Variants in ZYX observed in about 807,000 individuals in gnomAD.
ZYX encodes zyxin-2.
A neutral mutation model predicts 58.1 loss-of-function variants in ZYX; 37 were observed. The observed-to-expected ratio is 0.64, with a 90% CI of 0.49 to 0.84. The LOEUF is 0.84. Among genes scored for constraint, ZYX ranks in the 40% least tolerant of loss-of-function variants. ZYX has a pLI of 0.00. For missense variants in ZYX, 762 were observed against 761.6 expected (o/e 1.00, Z -0.01); for synonymous variants, 324 against 321.1 (o/e 1.01, Z -0.10).
Position 143,390,078 on chromosome 7 carries a change from CAG to C in ZYX, c.1614+102_1614+103del, listed in dbSNP as rs1359865115. 27 of 1,529,902 alleles carry C rather than the reference CAG, an allele frequency of 1.8e-5. No homozygotes were observed. The highest frequency in any genetic ancestry group is 2.2e-5 in the Non-Finnish European group (25 of 1,124,858). The allele number at this position is 1,529,902 out of a possible 1,614,324, so 94.8% of individuals were successfully genotyped here. On this transcript the variant is annotated intron_variant, in intron 9 of 9. Transcript: ENST00000322764. The surrounding 1 kb of genome is among the most constrained non-coding windows in gnomAD (Gnocchi z 4.3). ...GTGGAAAGCACCAGCATTCAGGAAA[CAG>C]GGCTGTGATTTTGAGGGTGGCTCAT...
intron 5 of ZYX, among the ~76,000 whole-genome samples, chr7:143,385,452 T>G (rs1298467109): frequency 4.6e-5 from 7 of 151,460 alleles, no homozygotes; most frequent in Admixed American, 3.3e-4. Context: ...GCGTGTGATG[T>G]GTGTAGTGTG....
intron 5 of ZYX, among the ~76,000 whole-genome samples, chr7:143,385,628 A>C (rs1804829781): frequency 7.6e-6 from 1 of 132,378 alleles, no homozygotes; most frequent in Non-Finnish European, 1.6e-5. Context: ...TATATATGTG[A>C]GTGGTGTGTG....
rs1406196554 is a variant in ZYX at position 143,387,858 on chromosome 7, T to A, written c.1024-361T>A. The A allele has an allele frequency of 6.1e-6, 3 of 489,440 alleles. No homozygotes were observed. The Admixed American group carries it at 7.0e-5, about 11-fold the overall frequency. The allele number at this position is 489,440 out of a possible 1,614,324, so 30.3% of individuals were successfully genotyped here. A position where few individuals can be genotyped will look rare whatever the true frequency, so the allele number is the denominator to read the frequency against. On this transcript the variant is annotated intron_variant, in intron 5 of 9. Transcript: ENST00000322764. The surrounding 1 kb of genome is among the most constrained non-coding windows in gnomAD (Gnocchi z 5.8). Reference sequence around the variant, plus strand: ...CCATGGGGGCGATGTCCGAGCATGCTCTGTGGAGTTGATGCGTGGCCCTGG... The same window carrying A: ...CCATGGGGGCGATGTCCGAGCATGCACTGTGGAGTTGATGCGTGGCCCTGG...
At chr7:143,382,185 T>C in intron 2 of ZYX, 63 bp from the exon 3 acceptor site, 10 of 1,407,766 alleles carry the variant, frequency 7.1e-6, no homozygotes, top group Non-Finnish European at 9.9e-6. Context: ...AGCGGTTAAC[T>C]GAGGGGAGCT....
intron 5 of ZYX, among the ~76,000 whole-genome samples, chr7:143,385,109 C>T (rs1179761661): frequency 6.6e-6 from 1 of 152,090 alleles, no homozygotes; most frequent in Non-Finnish European, 1.5e-5. Context: ...GAGAAGAGAG[C>T]TGAGCTCCTC....
chr7:143,389,037 C>G lies in ZYX; in HGVS notation c.1493+92C>G. The G allele has an allele frequency of 7.0e-7, 1 of 1,437,392 alleles. No individual in the cohort carries two copies. Among genetic ancestry groups the G allele is most frequent in the African/African-American group, 1.4e-5 (1 of 70,710 alleles). The allele number at this position is 1,437,392 out of a possible 1,614,324, so 89.0% of individuals were successfully genotyped here. A position where few individuals can be genotyped will look rare whatever the true frequency, so the allele number is the denominator to read the frequency against. ...CCCTAGCCTCAGGACAGCCCCAAACCCCTGGTGGTGTTTTCTGGTCCCATG... is the reference window on the plus strand; with the variant it reads ...CCCTAGCCTCAGGACAGCCCCAAACGCCTGGTGGTGTTTTCTGGTCCCATG... On this transcript the variant is annotated intron_variant, in intron 8 of 9. Coordinates refer to ENST00000322764, the MANE Select transcript of ZYX (RefSeq NM_003461.5). This position sits in a 1 kb window ranked among gnomAD's most constrained non-coding sequence, Gnocchi z 5.6.
At position 143,388,740 on chromosome 7, in the gene ZYX, G is replaced by A. The variant is rs762721087; in HGVS notation, c.1315-27G>A. 2 of 1,610,348 alleles carry A rather than the reference G, an allele frequency of 1.2e-6. No homozygotes were observed. The highest frequency in any genetic ancestry group is 2.2e-5 in the East Asian group (1 of 44,804). On this transcript the variant is annotated intron_variant, in intron 7 of 9. Coordinates refer to ENST00000322764, the MANE Select transcript of ZYX (RefSeq NM_003461.5). The surrounding 1 kb of genome is among the most constrained non-coding windows in gnomAD (Gnocchi z 7.5). Reference sequence around the variant, plus strand: ...GCTTGCTGTGGGGTGCCGGTTCCCTGCCAACCTCCTCCTGCTGCCTCCTCA... The same window carrying A: ...GCTTGCTGTGGGGTGCCGGTTCCCTACCAACCTCCTCCTGCTGCCTCCTCA...
In ZYX at chr7:143,383,012, T is replaced by A; in HGVS notation, c.713T>A (p.Val238Asp). The A allele has an allele frequency of 1.2e-6, 2 of 1,613,918 alleles. No individual in the cohort carries two copies. Among genetic ancestry groups the A allele is most frequent in the Non-Finnish European group, 1.7e-6 (2 of 1,179,902 alleles). The change falls in exon 5 of 10, where the codon GTC becomes GAC. Residue 238 changes from valine to aspartate, a missense_variant. Physicochemically the swap from Val to Asp is radical, Grantham distance 152. Coordinates refer to ENST00000322764, the MANE Select transcript of ZYX (RefSeq NM_003461.5). Reference sequence around the variant, plus strand: ...CCCAAGCCTCAGGTCCAACTCCATGTCCAGTCCCAGACCCAGCCTGTGTCT... The same window carrying A: ...CCCAAGCCTCAGGTCCAACTCCATGACCAGTCCCAGACCCAGCCTGTGTCT... ...PQPKPQVQLH[V>D]QSQTQPVSLA...
At position 143,382,541 on chromosome 7, in the gene ZYX, G is replaced by C. The variant is rs1480192346; in HGVS notation, c.409-52G>C. The C allele has an allele frequency of 5.6e-6, 9 of 1,605,636 alleles. No homozygotes were observed. In the African/African-American group the frequency reaches 8.0e-5, roughly 14 times the overall value. On this transcript the variant is annotated intron_variant, in intron 3 of 9. Coordinates refer to ENST00000322764, the MANE Select transcript of ZYX (RefSeq NM_003461.5). ...TTACCTCCCCTGCACCTCTGCCTTG[G>C]GGGTGGGGGGATAGAGGCATGGAAT...
In ZYX at chr7:143,382,869, A is replaced by T. The variant is rs141742199; in HGVS notation, c.570A>T (p.Ala190=). ...GTTCCAAGTCCAGTACCAAGCCTGC[A>T]GCCGGGGGCACAGCACCCCTGCCTC... ...PFSSKSSTKP[A]AGGTAPLPPW... is the part of the protein sequence containing the mutation. Residue 190 remains alanine (A), a synonymous_variant, in exon 5 of 10, where the codon GCA becomes GCT. Transcript: ENST00000322764. 893 of 1,612,894 alleles carry T rather than the reference A, an allele frequency of 5.5e-4. 5 individuals carry two copies. The African/African-American group carries it at 9.9e-3, about 18-fold the overall frequency.
At position 143,382,666 on chromosome 7, in the gene ZYX, A is replaced by T. The variant is rs879229436; in HGVS notation, c.482A>T (p.Asn161Ile). The change falls in exon 4 of 10, where the codon AAT (asparagine) becomes ATT (isoleucine). Residue 161 changes from asparagine (N) to isoleucine (I), a missense_variant. Asn to Ile is a moderately radical substitution (Grantham distance 149). Transcript: ENST00000322764. Reference sequence around the variant, plus strand: ...TCACTGCTGGATGACATGACCAAGAATGATCCTTTCAAAGCCCGGGTAAGG... The same window carrying T: ...TCACTGCTGGATGACATGACCAAGATTGATCCTTTCAAAGCCCGGGTAAGG... ...LSSLLDDMTK[N>I]DPFKARVSSG... 2 of 1,614,104 alleles carry T rather than the reference A, an allele frequency of 1.2e-6. No individual in the cohort carries two copies. Among genetic ancestry groups the T allele is most frequent in the South Asian group, 2.2e-5 (2 of 91,084 alleles).
intron 5 of ZYX, among the ~76,000 whole-genome samples, chr7:143,385,656 A>ATTTTTTTTTTTTT (rs1261838329): frequency 1.1e-5 from 1 of 93,252 alleles, no homozygotes; most frequent in Non-Finnish European, 2.1e-5. Context: ...GTGGTGTGGT[A>ATTTTTTTTTTTTT]TATCTTTTTT....
In ZYX at chr7:143,382,203, G is replaced by A. The variant is rs1487554280; in HGVS notation, c.209-45G>A. The A allele has an allele frequency of 2.0e-6, 3 of 1,528,846 alleles. No homozygotes were observed. The African/African-American group carries it at 4.1e-5, about 21-fold the overall frequency. 94.7% of individuals were successfully genotyped at this position (1,528,846 alleles called of 1,614,324 possible). A position where few individuals can be genotyped will look rare whatever the true frequency, so the allele number is the denominator to read the frequency against. On this transcript the variant is annotated intron_variant, in intron 2 of 9. Transcript: ENST00000322764. ...GGTTAACTGAGGGGAGCTTGGGTGA[G>A]GGGTAGAGGGACCCCGGCCGACGTC...
At position 143,381,636 on chromosome 7, in the gene ZYX, C is replaced by T. The variant is rs535640827; in HGVS notation, c.65C>T (p.Pro22Leu). ...GTCTCGGCTCCGGCTTTTTACGCCC[C>T]GCAGAAGAAGTTCGGCCCTGTGGTG... ...VSVSAPAFYA[P>L]QKKFGPVVAP... is the part of the protein sequence containing the mutation. Residue 22 changes from proline (P) to leucine (L), a missense_variant, in exon 2 of 10, where the codon CCG (proline) becomes CTG (leucine). Coordinates refer to ENST00000322764, the MANE Select transcript of ZYX (RefSeq NM_003461.5). 2.5e-6 allele frequency: 4 copies of T among 1,612,380 alleles called. No individual in the cohort carries two copies. The East Asian group carries it at 8.9e-5, about 36-fold the overall frequency.
In ZYX at chr7:143,382,696, G is replaced by C. The variant is rs774513172; in HGVS notation, c.501+11G>C. 1 of 1,614,090 alleles carries C rather than the reference G, an allele frequency of 6.2e-7. No homozygotes were observed. The highest frequency in any genetic ancestry group is 1.3e-5 in the African/African-American group (1 of 75,008). On this transcript the variant is annotated intron_variant, in intron 4 of 9. Transcript: ENST00000322764. ...CCTTTCAAAGCCCGGGTAAGGGACC[G>C]GAGAGTAGGAAAAGCAGGGCTCAGG...
Position 143,387,929 on chromosome 7 carries a change from C to T in ZYX, c.1024-290C>T, listed in dbSNP as rs1296405871. 13 of 534,218 alleles carry T rather than the reference C, an allele frequency of 2.4e-5. 1 individual carries two copies. Among genetic ancestry groups the T allele is most frequent in the South Asian group, 1.1e-4 (7 of 64,060 alleles). The allele number at this position is 534,218 out of a possible 1,614,324, so 33.1% of individuals were successfully genotyped here. On this transcript the variant is annotated intron_variant, in intron 5 of 9. Transcript: ENST00000322764. The surrounding 1 kb of genome is among the most constrained non-coding windows in gnomAD (Gnocchi z 5.8). Reference sequence around the variant, plus strand: ...CCCGAGCTGCTGTGTGCGTGGCCTCCGTCCGCCCAGTCATTCTGGCCTGTC... The same window carrying T: ...CCCGAGCTGCTGTGTGCGTGGCCTCTGTCCGCCCAGTCATTCTGGCCTGTC...
In ZYX at chr7:143,388,592, G is replaced by A. The variant is rs541672435; in HGVS notation, c.1248G>A (p.Ala416=). The part of the protein sequence containing the change: ...HIACFTCHQC[A]QQLQGQQFYS... ...CCTGCTTCACCTGCCACCAGTGTGC[G>A]CAGCAGCTCCAGGGCCAGCAGTTCT... is the stretch of plus-strand genomic sequence containing the variant. The change falls in exon 7 of 10, where the codon GCG becomes GCA. Residue 416 remains alanine, a synonymous_variant. Coordinates refer to ENST00000322764, the MANE Select transcript of ZYX (RefSeq NM_003461.5). The surrounding 1 kb of genome is among the most constrained non-coding windows in gnomAD (Gnocchi z 7.5). 48 of 1,612,660 alleles carry A rather than the reference G, an allele frequency of 3.0e-5. No individual in the cohort carries two copies. Among genetic ancestry groups the A allele is most frequent in the Non-Finnish European group, 3.6e-5 (42 of 1,179,974 alleles).
In ZYX at chr7:143,382,279, G is replaced by C. The variant is rs1163506251; in HGVS notation, c.240G>C (p.Gly80=). ...DFPLPPPPLA[G]DGDDAEGALG... ...CCCTGCCTCCACCTCCCCTTGCTGGGGATGGCGACGATGCAGAGGGTGCTC... is the reference window on the plus strand; with the variant it reads ...CCCTGCCTCCACCTCCCCTTGCTGGCGATGGCGACGATGCAGAGGGTGCTC... Residue 80 remains glycine (G), a synonymous_variant, in exon 3 of 10, where the codon GGG becomes GGC. Coordinates refer to ENST00000322764, the MANE Select transcript of ZYX (RefSeq NM_003461.5). 1 of 1,612,812 alleles carries C rather than the reference G, an allele frequency of 6.2e-7. No individual in the cohort carries two copies. Among genetic ancestry groups the C allele is most frequent in the Non-Finnish European group, 8.5e-7 (1 of 1,179,558 alleles).
rs775841861 is a variant in ZYX, at chr7:143,390,704, A to C, written c.*22A>C. The C allele has an allele frequency of 1.1e-5, 17 of 1,539,566 alleles. No individual in the cohort carries two copies. On this transcript the variant is annotated 3_prime_UTR_variant, in exon 10 of 10. Transcript: ENST00000322764. The surrounding 1 kb of genome is among the most constrained non-coding windows in gnomAD (Gnocchi z 4.3). ...CTGAGTGAGGACAGGCCCTCTTCAG[A>C]CCGCAGTCCATGCCCCATTGTGGAC...
Sources: gnomAD v4.1 joint callset for allele counts (sites outside exome capture counted in the v4.1 genomes callset) on GRCh38, gnomAD v4.1.1 for gene constraint, Gnocchi (gnomAD v3.1) non-coding constraint, MANE v1.5 for transcripts, NCBI Gene and HGNC (gene_info 2026-07-23, HGNC 2026-07-21) for gene names.